The following ZFHX3 variants were observed in gnomAD, a reference collection of about 807,000 sequenced individuals.
The protein encoded by ZFHX3 is zinc finger homeobox protein 3.
ZFHX3 carries 42 observed loss-of-function variants against 279.1 expected under a neutral mutation model. The ratio of observed to expected loss-of-function variants is 0.15; its 90% confidence interval spans 0.12 to 0.19. The LOEUF (loss-of-function observed/expected upper bound fraction) is 0.19, where lower values mean the gene tolerates loss of function less well. Ranked by LOEUF, ZFHX3 falls within the 10% of genes least tolerant of loss-of-function variation. The probability of loss-of-function intolerance (pLI) is 1.00; values close to 1 mark genes in which losing one functional copy is unlikely to be tolerated. For missense variants in ZFHX3, 4,981 were observed against 4,754.0 expected, an observed-to-expected ratio of 1.05 and a Z score of -1.40; for synonymous variants, 2,293 against 1,957.8, an observed-to-expected ratio of 1.17 and a Z score of -4.52.
intron 5 of ZFHX3, among the ~76,000 whole-genome samples, chr16:72,823,296 GAGAAATGAAACCAAGTACC>G (rs2036845691): frequency 6.6e-6 from 1 of 152,214 alleles, no homozygotes; most frequent in Non-Finnish European, 1.5e-5. Context: ...GGGTGAGGTG[GAGAAATGAAACCAAGTACC>G]AGAAAGATAC....
chr16:73,514,841 C>T (rs950044272), intron 2 of ZFHX3, among the ~76,000 whole-genome samples: 4 of 152,252 alleles, frequency 2.6e-5, no homozygotes, highest in Admixed American at 2.0e-4. Context: ...AATGAGCTGA[C>T]ATGAACTTTC....
intron 1 of ZFHX3, among the ~76,000 whole-genome samples, chr16:73,851,086 C>G (rs181019234): frequency 6.6e-6 from 1 of 152,036 alleles, no homozygotes; most frequent in African/African-American, 2.4e-5. Flanking sequence ...TCTTCACTTC[C>G]GAGTTATAGT....
intron 3 of ZFHX3, among the ~76,000 whole-genome samples, chr16:73,428,012 T>C (rs980786918): frequency 6.6e-6 from 1 of 152,088 alleles, no homozygotes; most frequent in African/African-American, 2.4e-5. Context: ...ACACAAATTA[T>C]CCCTTAGAAC....
intron 3 of ZFHX3, 45 bp from the exon 4 acceptor site, chr16:72,890,007 G>C: frequency 6.4e-7 from 1 of 1,553,386 alleles, no homozygotes; most frequent in Non-Finnish European, 8.7e-7. Flanking sequence ...TAAGCCACTC[G>C]AAGCGGCCAC....
rs768055475 is a variant in ZFHX3 at position 72,798,384 on chromosome 16, A to C, written c.4298T>G (p.Leu1433Arg). The C allele has an allele frequency of 3.1e-6, 5 of 1,614,226 alleles. No homozygotes were observed. The highest frequency in any genetic ancestry group is 4.2e-6 in the Non-Finnish European group (5 of 1,180,044). ...HVIRAATMCCLCQRSFRTFQA... is the reference protein window; with the variant it reads ...HVIRAATMCCRCQRSFRTFQA... ...GAAAGTTCGGAAACTGCGCTGACAAAGACAGCACATGGTGGCAGCTCTGAT... is the reference window on the plus strand; with the variant it reads ...GAAAGTTCGGAAACTGCGCTGACAACGACAGCACATGGTGGCAGCTCTGAT... The change falls in exon 9 of 10, where the codon CTT (leucine) becomes CGT (arginine). Residue 1433 changes from leucine to arginine, a missense_variant. By Grantham distance (102) the Leu-to-Arg change is moderately radical. Coordinates refer to ENST00000268489, the MANE Select transcript of ZFHX3 (RefSeq NM_006885.4).
chr16:73,384,177 C>A (rs565325655), intron 3 of ZFHX3, among the ~76,000 whole-genome samples: 2 of 152,334 alleles, frequency 1.3e-5, no homozygotes, highest in Non-Finnish European at 2.9e-5. Context: ...CAAATCTGGC[C>A]TGCACCCTGT....
chr16:73,607,161 C>T (rs7196229), intron 2 of ZFHX3, among the ~76,000 whole-genome samples: 21,356 of 152,126 alleles, frequency 0.14, 2,068 homozygotes, highest in African/African-American at 0.27. Flanking sequence ...CCTGAGTAGC[C>T]GGGATCACAG....
intron 3 of ZFHX3, among the ~76,000 whole-genome samples, chr16:73,323,539 G>A (rs1467430587): frequency 6.6e-6 from 1 of 152,202 alleles, no homozygotes; most frequent in East Asian, 1.9e-4. Context: ...AATAAGTATG[G>A]ACCACTTGCT....
In ZFHX3 at chr16:73,038,619, T is replaced by C. The variant is rs113611363; in HGVS notation, c.-50+9133A>G. On this transcript the variant is annotated intron_variant, in intron 1 of 9. Coordinates refer to ENST00000268489, the MANE Select transcript of ZFHX3 (RefSeq NM_006885.4). ...CTGTTTTAAAGTTAATTCCACCTGTTTCTTTTTACTTTTTATGAATGACTA... is the reference window on the plus strand; with the variant it reads ...CTGTTTTAAAGTTAATTCCACCTGTCTCTTTTTACTTTTTATGAATGACTA... Among the ~76,000 whole-genome samples, 864 of 152,116 alleles carry C rather than the reference T, an allele frequency of 5.7e-3. 3 individuals carry two copies. Among genetic ancestry groups the C allele is most frequent in the Non-Finnish European group, 1.0e-2 (680 of 68,006 alleles).
chr16:73,613,515 C>T (rs2052268462), intron 2 of ZFHX3, among the ~76,000 whole-genome samples: 1 of 151,082 alleles, frequency 6.6e-6, no homozygotes, highest in African/African-American at 2.4e-5. Flanking sequence ...ACTAGGAAAA[C>T]AGGTGGAAGT....
chr16:73,502,933 C>T (rs895069425), intron 2 of ZFHX3, among the ~76,000 whole-genome samples: 4 of 152,212 alleles, frequency 2.6e-5, no homozygotes, highest in Admixed American at 6.5e-5. Context: ...CCCTGATTCA[C>T]CAACATGATA....
intron 1 of ZFHX3, among the ~76,000 whole-genome samples, chr16:72,988,167 T>C (rs975060921): frequency 1.3e-5 from 2 of 152,202 alleles, no homozygotes; most frequent in African/African-American, 2.4e-5. Flanking sequence ...AGGAGCACTG[T>C]AAACCATTAA....
At chr16:72,820,713 C>T (rs1436803482) in intron 5 of ZFHX3, among the ~76,000 whole-genome samples, 1 of 152,196 alleles carries the variant, frequency 6.6e-6, no homozygotes, top group Admixed American at 6.5e-5. Context: ...TGGGTGGCCA[C>T]AGTCCAGGGA....
chr16:73,056,696 G>T (rs547308976), intron 1 of ZFHX3, among the ~76,000 whole-genome samples: 2 of 152,312 alleles, frequency 1.3e-5, no homozygotes, highest in Non-Finnish European at 2.9e-5. Context: ...GCAAGGCGCT[G>T]GAGCACCCAC....
intron 1 of ZFHX3, among the ~76,000 whole-genome samples, chr16:73,784,762 T>TC (rs1959582238): frequency 7.4e-6 from 1 of 135,446 alleles, no homozygotes; most frequent in Admixed American, 7.3e-5. Flanking sequence ...TAAAAAAATT[T>TC]TTAAAAAACT....
chr16:73,637,609 A>G (rs2052539227), intron 2 of ZFHX3, among the ~76,000 whole-genome samples: 1 of 152,194 alleles, frequency 6.6e-6, no homozygotes, highest in African/African-American at 2.4e-5. Context: ...TGGGTACATG[A>G]GTAGCTATTA....
At chr16:73,675,420 C>T (rs922201016) in intron 2 of ZFHX3, among the ~76,000 whole-genome samples, 5 of 151,968 alleles carry the variant, frequency 3.3e-5, no homozygotes, top group African/African-American at 1.2e-4. Flanking sequence ...GTTTATCTTA[C>T]ATTCATTCAT....
At chr16:72,900,885 G>A (rs1001106136) in intron 3 of ZFHX3, among the ~76,000 whole-genome samples, 3 of 152,230 alleles carry the variant, frequency 2.0e-5, no homozygotes, top group Non-Finnish European at 4.4e-5. Flanking sequence ...AATACCTGGA[G>A]ATGTTCTGTT....
intron 1 of ZFHX3, among the ~76,000 whole-genome samples, chr16:73,841,801 A>G (rs1961315546): frequency 6.6e-6 from 1 of 152,232 alleles, no homozygotes; most frequent in Non-Finnish European, 1.5e-5. Flanking sequence ...AGCAGAGTGG[A>G]GGCTGCCAGG....
Sources: gnomAD v4.1 joint callset for allele counts (sites outside exome capture counted in the v4.1 genomes callset) on GRCh38, gnomAD v4.1.1 for gene constraint, MANE v1.5 for transcripts, NCBI Gene and HGNC (gene_info 2026-07-23, HGNC 2026-07-21) for gene names.